BCL2: variants seen among roughly 807,000 people sequenced by gnomAD.
BCL2 encodes the protein BCL2 apoptosis regulator.
BCL2 carries 1 observed loss-of-function variant against 14.2 expected under a neutral mutation model. That is an observed-to-expected ratio of 0.07 (90% CI 0.02 to 0.33). The LOEUF is 0.33. BCL2 is among the 10% of genes least tolerant of loss of function. The probability of loss-of-function intolerance (pLI) is 0.99; values close to 1 mark genes in which losing one functional copy is unlikely to be tolerated. For synonymous variants in BCL2, 151 were observed against 137.2 expected (o/e 1.10, Z -0.70); for missense variants, 247 against 305.9 (o/e 0.81, Z 1.44).
At chr18:63,234,745 G>A (rs1184601919) in intron 2 of BCL2, among the ~76,000 whole-genome samples, 3 of 152,176 alleles carry the variant, frequency 2.0e-5, no homozygotes, top group Admixed American at 6.5e-5. Flanking sequence ...TACCAGCTGT[G>A]AGACCTTAGT....
intron 2 of BCL2, among the ~76,000 whole-genome samples, chr18:63,249,824 T>TA (rs945299146): frequency 6.8e-6 from 1 of 148,046 alleles, no homozygotes; most frequent in Admixed American, 6.8e-5. Context: ...TTTGACTCAC[T>TA]AAAAAAAATG....
intron 2 of BCL2, among the ~76,000 whole-genome samples, chr18:63,169,298 TTCTTTC>T (rs1568222411): frequency 3.4e-5 from 3 of 86,996 alleles, no homozygotes; most frequent in African/African-American, 5.9e-5. Flanking sequence ...CTTTCTTTCT[TTCTTTC>T]TTTCTTCCTT....
chr18:63,182,483 G>A (rs989285168), intron 2 of BCL2, among the ~76,000 whole-genome samples: 22 of 152,220 alleles, frequency 1.4e-4, no homozygotes, highest in African/African-American at 2.2e-4. Context: ...GACAAAATGC[G>A]TCCTTGGCTG....
intron 2 of BCL2, among the ~76,000 whole-genome samples, chr18:63,220,351 C>A (rs1226613283): frequency 6.6e-6 from 1 of 152,186 alleles, no homozygotes; most frequent in Non-Finnish European, 1.5e-5. Flanking sequence ...CCCTTTCACT[C>A]TGAAAACTGT....
intron 2 of BCL2, among the ~76,000 whole-genome samples, chr18:63,142,446 T>C (rs1914390471): frequency 6.6e-6 from 1 of 152,246 alleles, no homozygotes; most frequent in African/African-American, 2.4e-5. Context: ...GAGGACCAGA[T>C]GCACCCCGGA....
intron 2 of BCL2, among the ~76,000 whole-genome samples, chr18:63,301,533 T>G (rs1489490742): frequency 6.6e-6 from 1 of 152,252 alleles, no homozygotes; most frequent in Non-Finnish European, 1.5e-5. Context: ...ATGTACTTCA[T>G]GACATCCCTC....
intron 2 of BCL2, among the ~76,000 whole-genome samples, chr18:63,282,059 T>C (rs935470183): frequency 5.3e-5 from 8 of 152,244 alleles, no homozygotes; most frequent in Admixed American, 5.2e-4. Context: ...CTATCACATT[T>C]ACTAAGTATT....
intron 2 of BCL2, among the ~76,000 whole-genome samples, chr18:63,283,467 A>G (rs1484790766): frequency 9.1e-6 from 1 of 110,320 alleles, no homozygotes; most frequent in African/African-American, 2.6e-5. Flanking sequence ...TTTGGTAATA[A>G]AACAAACCAC....
At chr18:63,304,977 A>AT (rs1176008427) in intron 2 of BCL2, among the ~76,000 whole-genome samples, 2 of 152,206 alleles carry the variant, frequency 1.3e-5, no homozygotes, top group Non-Finnish European at 2.9e-5. Flanking sequence ...CCCTGTTGAA[A>AT]GGGGCTGTTT....
intron 2 of BCL2, among the ~76,000 whole-genome samples, chr18:63,198,476 T>A (rs1054928701): frequency 0.07 from 1,563 of 22,460 alleles, no homozygotes; most frequent in Middle Eastern, 0.15. Flanking sequence ...AGACACACAC[T>A]GACAGAGACA....
Position 63,125,387 on chromosome 18 carries a change from C to T in BCL2, c.*3238G>A, listed in dbSNP as rs569192313. The T allele has an allele frequency of 7.1e-5, 16 of 224,334 alleles. No homozygotes were observed. The highest frequency in any genetic ancestry group is 1.2e-4 in the Non-Finnish European group (13 of 112,236). The allele number at this position is 224,334 out of a possible 1,614,324, so 13.9% of individuals were successfully genotyped here. ...ACCCGATGGCCATAGACCCTGTCAGCTGTCATTCTGGCCTCTCTTGCGGAG... is the reference window on the plus strand; with the variant it reads ...ACCCGATGGCCATAGACCCTGTCAGTTGTCATTCTGGCCTCTCTTGCGGAG... On this transcript the variant is annotated 3_prime_UTR_variant, in exon 3 of 3. Coordinates refer to ENST00000333681, the MANE Select transcript of BCL2 (RefSeq NM_000633.3).
At chr18:63,242,175 A>G (rs1156929392) in intron 2 of BCL2, among the ~76,000 whole-genome samples, 1 of 152,168 alleles carries the variant, frequency 6.6e-6, no homozygotes, top group Non-Finnish European at 1.5e-5. Flanking sequence ...TCAACACCAG[A>G]CCAAGTAATG....
intron 2 of BCL2, among the ~76,000 whole-genome samples, chr18:63,197,734 T>C (rs1168360590): frequency 6.6e-6 from 1 of 151,816 alleles, no homozygotes; most frequent in Admixed American, 6.5e-5. Flanking sequence ...TGATGTAATA[T>C]TCAATTTCCC....
At chr18:63,296,631 T>C (rs1391160573) in intron 2 of BCL2, among the ~76,000 whole-genome samples, 1 of 152,150 alleles carries the variant, frequency 6.6e-6, no homozygotes, top group African/African-American at 2.4e-5. Context: ...TATTCTTGGC[T>C]TAACTCTTAG....
At chr18:63,287,656 G>C (rs983626167) in intron 2 of BCL2, among the ~76,000 whole-genome samples, 1 of 152,096 alleles carries the variant, frequency 6.6e-6, no homozygotes, top group Admixed American at 6.5e-5. Context: ...GTAAACTTAA[G>C]AATAATTTTT....
chr18:63,195,395 TA>T (rs1341462426), intron 2 of BCL2, among the ~76,000 whole-genome samples: 1 of 152,192 alleles, frequency 6.6e-6, no homozygotes, highest in African/African-American at 2.4e-5. Context: ...CAGATGGTAG[TA>T]GGGGAGACAA....
At chr18:63,155,190 C>A (rs551672654) in intron 2 of BCL2, among the ~76,000 whole-genome samples, 1 of 152,146 alleles carries the variant, frequency 6.6e-6, no homozygotes, top group Admixed American at 6.5e-5. Flanking sequence ...ACAGGGCGGG[C>A]AGAGGTGGCA....
intron 2 of BCL2, among the ~76,000 whole-genome samples, chr18:63,261,136 C>G (rs1911647863): frequency 6.6e-6 from 1 of 152,096 alleles, no homozygotes; most frequent in African/African-American, 2.4e-5. Flanking sequence ...GAGTGATTTT[C>G]CCATTTTAGT....
intron 2 of BCL2, among the ~76,000 whole-genome samples, chr18:63,197,895 C>T (rs1232454815): frequency 6.6e-6 from 1 of 152,118 alleles, no homozygotes; most frequent in Non-Finnish European, 1.5e-5. Flanking sequence ...ATAAAACAAA[C>T]AGAGACTCCA....
Sources: gnomAD v4.1 joint callset for allele counts (sites outside exome capture counted in the v4.1 genomes callset) on GRCh38, gnomAD v4.1.1 for gene constraint, MANE v1.5 for transcripts, NCBI Gene and HGNC (gene_info 2026-07-23, HGNC 2026-07-21) for gene names.